The following PLCH2 variants were observed in gnomAD, a reference collection of about 807,000 sequenced individuals.
PLCH2 encodes the protein 1-phosphatidylinositol 4,5-bisphosphate phosphodiesterase eta-2.
In PLCH2, 98 loss-of-function variants were observed where a neutral mutation model predicts 134.7. The ratio of observed to expected loss-of-function variants is 0.73; its 90% confidence interval spans 0.62 to 0.86. The LOEUF is 0.86. PLCH2 is among the 40% of genes least tolerant of loss of function. PLCH2 has a pLI of 0.00. For synonymous variants in PLCH2, 974 were observed against 827.5 expected, an observed-to-expected ratio of 1.18 and a Z score of -3.04; for missense variants, 1,994 against 1,986.6, an observed-to-expected ratio of 1.00 and a Z score of -0.07.
Position 2,491,315 on chromosome 1 carries a change from T to C in PLCH2, c.1639T>C (p.Ser547Pro), listed in dbSNP as rs200470299. ...CTTCTCCGTCTCCACACTGTCCCCATCTGGAAAGCTCGGACGCAAGGTAGA... is the reference window on the plus strand; with the variant it reads ...CTTCTCCGTCTCCACACTGTCCCCACCTGGAAAGCTCGGACGCAAGGTAGA... ...NNFSVSTLSPSGKLGRKSKAE... is the reference protein window; with the variant it reads ...NNFSVSTLSPPGKLGRKSKAE... Residue 547 changes from serine (S) to proline (P), a missense_variant, in exon 11 of 22, where the codon TCT becomes CCT. Physicochemically the swap from Ser to Pro is moderately conservative, Grantham distance 74. Coordinates refer to ENST00000378486, the MANE Select transcript of PLCH2 (RefSeq NM_014638.4). The C allele has an allele frequency of 9.9e-5, 160 of 1,613,068 alleles. No homozygotes were observed. Among genetic ancestry groups the C allele is most frequent in the Middle Eastern group, 6.6e-4 (4 of 6,056 alleles).
At chr1:2,462,104 C>A (rs1210400080) in intron 2 of PLCH2, among the ~76,000 whole-genome samples, 2 of 146,958 alleles carry the variant, frequency 1.4e-5, no homozygotes, top group African/African-American at 2.5e-5. Flanking sequence ...CCTGACACCC[C>A]CTCCGCCTGA....
rs764111267 is a variant in PLCH2 at position 2,479,989 on chromosome 1, C to A, written c.515+12C>A. ...CGCACCAGGGACCAATATCCTTGGG[C>A]ACCTATCGGGCAATGCAGACCCAGG... is the stretch of plus-strand genomic sequence containing the variant. On this transcript the variant is annotated intron_variant, in intron 3 of 21. Coordinates refer to ENST00000378486, the MANE Select transcript of PLCH2 (RefSeq NM_014638.4). The A allele has an allele frequency of 6.2e-7, 1 of 1,601,352 alleles. No individual in the cohort carries two copies. Among genetic ancestry groups the A allele is most frequent in the Non-Finnish European group, 8.5e-7 (1 of 1,171,514 alleles).
At position 2,459,546 on chromosome 1, in the gene PLCH2, CTCCTTCCT is replaced by C. The variant is rs1327903239; in HGVS notation, c.116-18929_116-18922del. ...CTGGTGGTCCTCCTTCCTGGTGGTC[CTCCTTCCT>C]GGTGGTCCTCCTTGCCGGTGGTCCT... On this transcript the variant is annotated intron_variant, in intron 2 of 3. Transcript: ENST00000609981. 4.0e-4 allele frequency among the ~76,000 whole-genome samples: 55 copies of C among 139,106 alleles called. 3 individuals carry two copies. The highest frequency in any genetic ancestry group is 1.4e-3 in the African/African-American group (53 of 36,620). The allele number at this position is 139,106 out of a possible 152,430, so 91.3% of individuals were successfully genotyped here. A position where few individuals can be genotyped will look rare whatever the true frequency, so the allele number is the denominator to read the frequency against.
At chr1:2,425,324 C>T (rs1373449114), upstream of PLCH2, among the ~76,000 whole-genome samples, 1 of 152,088 alleles carries the variant, frequency 6.6e-6, no homozygotes, top group African/African-American at 2.4e-5. Context: ...CACATATACA[C>T]ACACATACAC....
chr1:2,442,230 A>T (rs1004494281), intron 2 of PLCH2, among the ~76,000 whole-genome samples: 5 of 152,180 alleles, frequency 3.3e-5, no homozygotes, highest in Non-Finnish European at 7.4e-5. Flanking sequence ...AGACACCAGC[A>T]GGTCTATTCC....
chr1:2,496,421 C>T (rs1188091308), intron 13 of PLCH2, among the ~76,000 whole-genome samples, 186 bp from the exon 14 acceptor site: 3 of 152,226 alleles, frequency 2.0e-5, no homozygotes, highest in Non-Finnish European at 4.4e-5. Flanking sequence ...AGCTCCCAGC[C>T]AGCCCACATC....
At chr1:2,490,871 G>A (rs1327149123) in intron 10 of PLCH2, among the ~76,000 whole-genome samples, 1 of 152,256 alleles carries the variant, frequency 6.6e-6, no homozygotes, top group Admixed American at 6.5e-5. Context: ...TCTGCCCCTG[G>A]CCCTGCCATC....
chr1:2,497,639 C>G lies in PLCH2; in HGVS notation c.2224+30C>G, dbSNP rs372870964. 1.9e-5 allele frequency: 27 copies of G among 1,445,774 alleles called. No individual in the cohort carries two copies. The Middle Eastern group carries it at 5.2e-4, about 28-fold the overall frequency. 89.6% of individuals were successfully genotyped at this position (1,445,774 alleles called of 1,614,324 possible). ...GGCACTCGGACACTCAGGGCTCGGA[C>G]GCTCAGGGCTCGGATGGGCCTCCTG... On this transcript the variant is annotated intron_variant, in intron 16 of 21. Transcript: ENST00000378486.
chr1:2,489,415 CAG>C (rs1156766316), intron 9 of PLCH2, 37 bp downstream of exon 9: 1 of 1,605,190 alleles, frequency 6.2e-7, no homozygotes, highest in Non-Finnish European at 8.5e-7. Context: ...CCAGCTCACA[CAG>C]AGTCTCGGGC....
chr1:2,479,665 GT>G, intron 2 of PLCH2, 68 bp from the exon 3 acceptor site: 6 of 1,482,214 alleles, frequency 4.0e-6, no homozygotes, highest in Non-Finnish European at 5.4e-6. Context: ...TCTCCGCAGT[GT>G]TGGGGCTGCC....
intron 1 of PLCH2, among the ~76,000 whole-genome samples, chr1:2,428,391 T>A (rs1443228092): frequency 6.6e-6 from 1 of 152,200 alleles, no homozygotes; most frequent in African/African-American, 2.4e-5. Flanking sequence ...GAGACCAGTG[T>A]GGCTGGAAGT....
intron 13 of PLCH2, among the ~76,000 whole-genome samples, chr1:2,495,860 G>A (rs1018648006): frequency 1.3e-5 from 2 of 152,040 alleles, no homozygotes; most frequent in Non-Finnish European, 2.9e-5. Flanking sequence ...CCTCTTATGA[G>A]GCCCCCAGCC....
chr1:2,470,581 G>A (rs746841497), intron 1 of PLCH2, among the ~76,000 whole-genome samples: 1 of 152,188 alleles, frequency 6.6e-6, no homozygotes, highest in African/African-American at 2.4e-5. Flanking sequence ...CGGATGTGGC[G>A]GGCTCAGCCT....
the PLCH2 span, among the ~76,000 whole-genome samples, chr1:2,418,899 G>A: frequency 1.3e-5 from 2 of 152,214 alleles, no homozygotes; most frequent in Non-Finnish European, 2.9e-5. Context: ...CACTGGGTGG[G>A]GAAATGCTGG....
chr1:2,451,687 C>T (rs1008302887), intron 2 of PLCH2, among the ~76,000 whole-genome samples: 2 of 152,206 alleles, frequency 1.3e-5, no homozygotes, highest in African/African-American at 4.8e-5. Context: ...GCCCTTCCCC[C>T]AGACCACAGC....
At chr1:2,422,809 T>C (rs1434877093), upstream of PLCH2, among the ~76,000 whole-genome samples, 1 of 152,088 alleles carries the variant, frequency 6.6e-6, no homozygotes, top group Non-Finnish European at 1.5e-5. Flanking sequence ...TCCTAATGTG[T>C]TGGGATTACA....
chr1:2,476,803 C>G, intron 1 of PLCH2, 91 bp downstream of exon 1: 1 of 1,353,092 alleles, frequency 7.4e-7, no homozygotes, highest in South Asian at 1.5e-5. Context: ...TGGGGGAAGC[C>G]TGGGCCTCCA....
chr1:2,460,174 C>T (rs1199482403), intron 2 of PLCH2, among the ~76,000 whole-genome samples: 2 of 152,254 alleles, frequency 1.3e-5, no homozygotes, highest in African/African-American at 2.4e-5. Flanking sequence ...TTCATGTCCC[C>T]AGGGGCCCTG....
intron 15 of PLCH2, 52 bp downstream of exon 15, chr1:2,497,062 G>A (rs928545171): frequency 1.9e-5 from 29 of 1,558,162 alleles, no homozygotes; most frequent in Admixed American, 1.1e-4. Context: ...CGGCTCAGAC[G>A]GTCCCTGAAG....
Sources: gnomAD v4.1 joint callset for allele counts (sites outside exome capture counted in the v4.1 genomes callset) on GRCh38, gnomAD v4.1.1 for gene constraint, MANE v1.5 for transcripts, NCBI Gene and HGNC (gene_info 2026-07-23, HGNC 2026-07-21) for gene names.